USH1C: variants seen among roughly 807,000 people sequenced by gnomAD.
USH1C encodes the protein harmonin.
Under a neutral mutation model 119.3 loss-of-function variants are expected in USH1C, and 90 were observed. The ratio of observed to expected loss-of-function variants is 0.75; its 90% CI spans 0.64 to 0.90. The LOEUF is 0.90. Ranked by LOEUF, USH1C falls within the 40% of genes least tolerant of loss-of-function variation. USH1C has a pLI of 0.00. For missense variants in USH1C, 1,165 were observed against 1,167.7 expected (o/e 1.00, Z 0.03); for synonymous variants, 465 against 443.3 (o/e 1.05, Z -0.62).
At chr11:17,532,759 G>T (rs916695670) in intron 2 of USH1C, among the ~76,000 whole-genome samples, 8 of 152,202 alleles carry the variant, frequency 5.3e-5, no homozygotes, top group African/African-American at 1.9e-4. Flanking sequence ...TGTTTGCAGT[G>T]TATGTTCATC....
At chr11:17,521,027 T>C (rs1227593646) in intron 13 of USH1C, 33 bp from the exon 14 acceptor site, 5 of 1,613,232 alleles carry the variant, frequency 3.1e-6, no homozygotes, top group Admixed American at 1.7e-5. Context: ...GTTACTGGAG[T>C]CAGAACCCCC....
intron 1 of USH1C, 199 bp from the exon 2 acceptor site, chr11:17,533,521 C>A: frequency 1.5e-6 from 1 of 651,330 alleles, no homozygotes; most frequent in Non-Finnish European, 2.8e-6. Flanking sequence ...CCCAACGTGG[C>A]CACAGGAGTA....
At position 17,531,208 on chromosome 11, in the gene USH1C, C is replaced by A. The variant is rs1418048889; in HGVS notation, c.333G>T (p.Gly111=). 1 of 1,614,084 alleles carries A rather than the reference C, an allele frequency of 6.2e-7. No homozygotes were observed. Among genetic ancestry groups the A allele is most frequent in the African/African-American group, 1.3e-5 (1 of 75,068 alleles). The change falls in exon 4 of 27, where the codon GGG becomes GGT. Residue 111 remains glycine (G), a synonymous_variant. Coordinates refer to ENST00000005226, the MANE Select transcript of USH1C (RefSeq NM_153676.4). This position sits in a 1 kb window ranked among gnomAD's most constrained non-coding sequence, Gnocchi z 4.2. ...CTTTGATGAGGTGGGAGATGAAGAG[C>A]CCACAGCCAAACTCCAGGCCACCAC... ...SVRGGLEFGC[G]LFISHLIKGG...
chr11:17,544,053 G>T (rs1038132611), intron 1 of USH1C, among the ~76,000 whole-genome samples: 6 of 152,208 alleles, frequency 3.9e-5, no homozygotes, highest in Non-Finnish European at 5.9e-5. Flanking sequence ...GCAGAAGATC[G>T]ACTCGTTTAG....
intron 12 of USH1C, among the ~76,000 whole-genome samples, chr11:17,521,794 G>A (rs576851364): frequency 6.6e-6 from 1 of 152,328 alleles, no homozygotes; most frequent in East Asian, 1.9e-4. Flanking sequence ...TGTGTTGGGG[G>A]AGATGGGGAC....
At chr11:17,496,609 G>A (rs1849256587) in intron 25 of USH1C, 149 bp downstream of exon 25, 4 of 999,788 alleles carry the variant, frequency 4.0e-6, no homozygotes, top group Non-Finnish European at 6.2e-6. Context: ...CTCTAGTCCA[G>A]GAGTTTTCTA....
intron 1 of USH1C, among the ~76,000 whole-genome samples, chr11:17,541,450 CA>C (rs1199310449): frequency 2.6e-5 from 4 of 152,190 alleles, no homozygotes; most frequent in African/African-American, 9.7e-5. Context: ...TTATTCATCC[CA>C]ACCGGTTGTC....
chr11:17,495,430 C>A, intron 26 of USH1C, 139 bp downstream of exon 26: 1 of 891,474 alleles, frequency 1.1e-6, no homozygotes. Context: ...CAACAGCAGG[C>A]CCCAGGCAGC....
chr11:17,501,274 G>T, intron 22 of USH1C, 124 bp from the exon 23 acceptor site: 1 of 1,035,500 alleles, frequency 9.7e-7, no homozygotes, highest in Non-Finnish European at 1.5e-6. Context: ...CACCGGCAGT[G>T]CCATCTGGAG....
rs778447994 is a variant in USH1C at position 17,522,882 on chromosome 11, C to T, written c.921G>A (p.Ala307=). 153 of 1,611,484 alleles carry T rather than the reference C, an allele frequency of 9.5e-5. 1 individual carries two copies. The Middle Eastern group carries it at 1.2e-3, about 12-fold the overall frequency. The stretch of plus-strand genomic sequence containing the variant: ...CCTGCCGCTGCAGCTCACGCTGCCG[C>T]GCCTCTGCCAGCCGCTCCCGGTCTG... The part of the protein sequence containing the change: ...FMTDRERLAE[A]RQRELQRQEL... The change falls in exon 12 of 27, where the codon GCG becomes GCA. Residue 307 remains alanine, a synonymous_variant. Transcript: ENST00000005226.
chr11:17,540,480 G>T (rs756462617), intron 1 of USH1C, among the ~76,000 whole-genome samples: 1 of 152,006 alleles, frequency 6.6e-6, no homozygotes, highest in African/African-American at 2.4e-5. Context: ...CATCTCAGGG[G>T]TTTAAATACC....
chr11:17,532,254 C>T (rs1482188504), intron 2 of USH1C, among the ~76,000 whole-genome samples: 1 of 152,174 alleles, frequency 6.6e-6, no homozygotes, highest in African/African-American at 2.4e-5. Flanking sequence ...ATCCCTCATT[C>T]TGGAATGCCC....
At chr11:17,521,535 G>A (rs1013573969) in intron 12 of USH1C, 124 bp from the exon 13 acceptor site, 1 of 974,888 alleles carries the variant, frequency 1.0e-6, no homozygotes, top group African/African-American at 1.6e-5. Flanking sequence ...TAGGAGGCCT[G>A]GACCAGCTTT....
chr11:17,518,593 G>A (rs116791726), intron 14 of USH1C, among the ~76,000 whole-genome samples: 4 of 152,204 alleles, frequency 2.6e-5, no homozygotes, highest in Non-Finnish European at 4.4e-5. Flanking sequence ...GATCAGCCAC[G>A]GGTAGGTGGG....
Position 17,527,013 on chromosome 11 carries a change from C to T in USH1C, c.521+3G>A, listed in dbSNP as rs781771911. 5.1e-6 allele frequency: 8 copies of T among 1,563,076 alleles called. No individual in the cohort carries two copies. In the African/African-American group the frequency reaches 9.5e-5, roughly 19 times the overall value. The stretch of plus-strand genomic sequence containing the variant: ...GTTGGCCTGCAGAGGAGGGGCCTCT[C>T]ACCTTTTCACGGGGATCAGGCCGAT... On this transcript the variant is annotated splice_donor_region_variant and intron_variant, in intron 6 of 26. Coordinates refer to ENST00000005226, the MANE Select transcript of USH1C (RefSeq NM_153676.4).
intron 4 of USH1C, among the ~76,000 whole-genome samples, chr11:17,527,864 A>AT (rs377483179): frequency 4.2e-4 from 63 of 151,352 alleles, no homozygotes; most frequent in African/African-American, 1.2e-3. Context: ...CACACATATG[A>AT]TTTTTTTTTC....
intron 2 of USH1C, among the ~76,000 whole-genome samples, chr11:17,532,629 C>T (rs1185008824): frequency 1.2e-4 from 18 of 152,150 alleles, no homozygotes; most frequent in African/African-American, 4.1e-4. Context: ...CAAAGCCTTG[C>T]TCAAGCCTTC....
At chr11:17,518,900 T>C (rs1850281084) in intron 14 of USH1C, among the ~76,000 whole-genome samples, 1 of 151,968 alleles carries the variant, frequency 6.6e-6, no homozygotes, top group South Asian at 2.1e-4. Flanking sequence ...ATGCCTGTAG[T>C]CCCAGCTACT....
At chr11:17,538,983 G>T (rs1197769403) in intron 1 of USH1C, among the ~76,000 whole-genome samples, 1 of 152,102 alleles carries the variant, frequency 6.6e-6, no homozygotes, top group Admixed American at 6.5e-5. Context: ...ATTTAATCCT[G>T]CCCTTTTCTG....
Sources: gnomAD v4.1 joint callset for allele counts (sites outside exome capture counted in the v4.1 genomes callset) on GRCh38, gnomAD v4.1.1 for gene constraint, Gnocchi (gnomAD v3.1) non-coding constraint, MANE v1.5 for transcripts, NCBI Gene and HGNC (gene_info 2026-07-23, HGNC 2026-07-21) for gene names.